CSMD2: variants seen among roughly 807,000 people sequenced by gnomAD.
The protein encoded by CSMD2 is CUB and Sushi multiple domains 2, also known as CUB and sushi domain-containing protein 2.
In CSMD2, 130 loss-of-function variants were observed where a neutral mutation model predicts 398.5. That is an observed-to-expected ratio of 0.33 (90% CI 0.28 to 0.38). CSMD2 has a LOEUF of 0.38. Among genes scored for constraint, CSMD2 ranks in the 10% least tolerant of loss-of-function variants. The pLI, the probability that CSMD2 is intolerant of heterozygous loss-of-function variation, is 1.00. For synonymous variants in CSMD2, 1,828 were observed against 1,908.5 expected (o/e 0.96, Z 1.10); for missense variants, 3,829 against 4,764.9 (o/e 0.80, Z 5.78).
intron 25 of CSMD2, among the ~76,000 whole-genome samples, 176 bp downstream of exon 25, chr1:33,692,754 G>T (rs769509951): frequency 4.6e-5 from 7 of 152,188 alleles, no homozygotes; most frequent in Non-Finnish European, 1.0e-4. Flanking sequence ...GCCCTGAGAG[G>T]CTGAGACTGA....
chr1:33,969,434 G>A (rs1645674124), intron 3 of CSMD2, among the ~76,000 whole-genome samples: 1 of 152,196 alleles, frequency 6.6e-6, no homozygotes, highest in Non-Finnish European at 1.5e-5. Flanking sequence ...ACTAGACAGT[G>A]CGATGGATGG....
intron 9 of CSMD2, among the ~76,000 whole-genome samples, chr1:33,819,447 G>C (rs1657846166): frequency 6.6e-6 from 1 of 152,218 alleles, no homozygotes; most frequent in South Asian, 2.1e-4. Flanking sequence ...TTTCTTACGT[G>C]CCTCACCCAT....
At chr1:34,079,130 C>A (rs1260700510) in intron 2 of CSMD2, among the ~76,000 whole-genome samples, 3 of 152,114 alleles carry the variant, frequency 2.0e-5, no homozygotes, top group African/African-American at 7.2e-5. Context: ...AGAAGGGTAT[C>A]CACAAAAAAC....
chr1:34,096,980 C>G (rs1659387765), intron 1 of CSMD2, among the ~76,000 whole-genome samples: 1 of 149,996 alleles, frequency 6.7e-6, no homozygotes, highest in Admixed American at 6.7e-5. Context: ...AAGAACAAAG[C>G]TGGAGGCATC....
intron 13 of CSMD2, among the ~76,000 whole-genome samples, chr1:33,757,348 A>G (rs1267260442): frequency 6.6e-6 from 1 of 152,314 alleles, no homozygotes; most frequent in Admixed American, 6.5e-5. Flanking sequence ...ATTTTGTCAC[A>G]GCAACTTAAA....
chr1:34,006,253 C>T (rs1030442470), intron 3 of CSMD2, among the ~76,000 whole-genome samples: 11 of 152,142 alleles, frequency 7.2e-5, no homozygotes, highest in African/African-American at 2.7e-4. Context: ...GTCCCTTAGT[C>T]CTTAACTCAG....
chr1:33,571,523 TG>T lies in CSMD2; in HGVS notation c.7957+8del. ...GCTAAACTTGCCCACCCTCCCTTCC[TG>T]GGCTTACTTCGGCAGGTGGGCGTAG... is the stretch of plus-strand genomic sequence containing the variant. On this transcript the variant is annotated splice_region_variant and intron_variant, in intron 51 of 70. Transcript: ENST00000373381. The T allele has an allele frequency of 6.9e-7, 1 of 1,439,988 alleles. No individual in the cohort carries two copies. The highest frequency in any genetic ancestry group is 9.3e-7 in the Non-Finnish European group (1 of 1,077,466). The allele number at this position is 1,439,988 out of a possible 1,614,324, so 89.2% of individuals were successfully genotyped here.
intron 41 of CSMD2, among the ~76,000 whole-genome samples, chr1:33,607,652 G>A (rs1415419420): frequency 2.0e-5 from 3 of 152,248 alleles, no homozygotes; most frequent in East Asian, 1.9e-4. Context: ...CGCCCCAAAC[G>A]AGAAGCCTTA....
intron 1 of CSMD2, among the ~76,000 whole-genome samples, chr1:34,120,851 C>G (rs1032892033): frequency 6.6e-6 from 1 of 152,086 alleles, no homozygotes; most frequent in Non-Finnish European, 1.5e-5. Context: ...GGCCTGGTAA[C>G]TTTAGTTTCA....
chr1:33,605,049 C>A (rs754605197), intron 42 of CSMD2, among the ~76,000 whole-genome samples: 3 of 152,194 alleles, frequency 2.0e-5, no homozygotes, highest in Non-Finnish European at 4.4e-5. Context: ...TTCCTCTTGG[C>A]TGTGGCCCAC....
intron 3 of CSMD2, 27 bp from the exon 4 acceptor site, chr1:33,935,981 G>A (rs371272944): frequency 2.5e-5 from 39 of 1,583,068 alleles, no homozygotes; most frequent in African/African-American, 1.8e-4. Flanking sequence ...AGAAAGAGAC[G>A]GGTACCCCGT....
chr1:33,918,263 C>T lies in CSMD2; in HGVS notation c.751G>A (p.Gly251Ser). Residue 251 changes from glycine (G) to serine (S), a missense_variant, in exon 5 of 71, where the codon GGC (glycine) becomes AGC (serine). Gly to Ser is a moderately conservative substitution (Grantham distance 56, BLOSUM62 0). This residue lies in a region of CSMD2 where 2,001 missense variants were observed against 2,567.1 expected (regional missense o/e 0.78). Coordinates refer to ENST00000373381, the MANE Select transcript of CSMD2 (RefSeq NM_001281956.2). ...ACGGTLRGQS[G>S]IISSPHFPSE... is the part of the protein sequence containing the mutation. ...GGGAAGTGGGGGCTGGAGATGATGC[C>T]ACTCTGGCCCCGCAGGGTCCCACCA... 1 of 1,614,050 alleles carries T rather than the reference C, an allele frequency of 6.2e-7. No individual in the cohort carries two copies. The highest frequency in any genetic ancestry group is 8.5e-7 in the Non-Finnish European group (1 of 1,180,014).
intron 13 of CSMD2, among the ~76,000 whole-genome samples, chr1:33,766,978 T>C (rs1037040803): frequency 1.3e-5 from 2 of 152,242 alleles, no homozygotes; most frequent in African/African-American, 2.4e-5. Flanking sequence ...AATACTCATG[T>C]CCTGATCGGA....
In CSMD2 at chr1:33,572,783, T is replaced by A. The variant is rs879052222; in HGVS notation, c.7577-92A>T. The A allele has an allele frequency of 2.0e-5, 21 of 1,032,652 alleles. No homozygotes were observed. In the South Asian group the frequency reaches 4.1e-4, roughly 20 times the overall value. 64.0% of individuals were successfully genotyped at this position (1,032,652 alleles called of 1,614,324 possible). ...CCTTCCTCCCCTCCCAAGGTCCTTTTATTAGTAAAAACTAATTAAAGGGTA... is the reference window on the plus strand; with the variant it reads ...CCTTCCTCCCCTCCCAAGGTCCTTTAATTAGTAAAAACTAATTAAAGGGTA... On this transcript the variant is annotated intron_variant, in intron 49 of 70. Coordinates refer to ENST00000373381, the MANE Select transcript of CSMD2 (RefSeq NM_001281956.2).
At chr1:33,687,009 A>T (rs916291561) in intron 25 of CSMD2, among the ~76,000 whole-genome samples, 2 of 152,230 alleles carry the variant, frequency 1.3e-5, no homozygotes, top group African/African-American at 2.4e-5. Context: ...CTCAATCTTC[A>T]TAGCAACCTT....
Position 33,537,430 on chromosome 1 carries a change from T to A in CSMD2, c.9805+6A>T, listed in dbSNP as rs765303267. The A allele has an allele frequency of 6.2e-7, 1 of 1,608,914 alleles. No homozygotes were observed. The highest frequency in any genetic ancestry group is 8.5e-7 in the Non-Finnish European group (1 of 1,177,062). ...AAGACGCTCCCTGCTCCAGATGACC[T>A]CTCACCTATGCAGCTGGGCTGGGTG... On this transcript the variant is annotated splice_donor_region_variant and intron_variant, in intron 61 of 70. Transcript: ENST00000373381. The surrounding 1 kb of genome is among the most constrained non-coding windows in gnomAD (Gnocchi z 4.6).
At chr1:34,076,372 G>A (rs970464428) in intron 2 of CSMD2, among the ~76,000 whole-genome samples, 9 of 152,152 alleles carry the variant, frequency 5.9e-5, no homozygotes, top group South Asian at 2.1e-4. Context: ...TCCACCTCAC[G>A]GTTTTTCAAC....
chr1:33,541,153 T>C lies in CSMD2; in HGVS notation c.9434A>G (p.Asn3145Ser). The C allele has an allele frequency of 3.7e-6, 6 of 1,614,146 alleles. No homozygotes were observed. The highest frequency in any genetic ancestry group is 5.1e-6 in the Non-Finnish European group (6 of 1,180,016). ...ACCTTTGCAGACGGGCTTGGTTCCA[T>C]TCCATGTCCGGTCCTTGGTGCAGCT... Reference protein sequence around the residue: ...VLSCTKDRTWNGTKPVCKALM... With the variant: ...VLSCTKDRTWSGTKPVCKALM... The change falls in exon 59 of 71, where the codon AAT (asparagine) becomes AGT (serine). Residue 3145 changes from asparagine to serine, a missense_variant. Around this residue, in one of 5 missense-constraint regions of CSMD2, gnomAD observed 917 missense variants for 1,199.5 expected, o/e 0.76. Coordinates refer to ENST00000373381, the MANE Select transcript of CSMD2 (RefSeq NM_001281956.2).
rs750841259 is a variant in CSMD2 at position 33,602,478 on chromosome 1, A to G, written c.6601T>C (p.Ser2201Pro). 4 of 1,613,750 alleles carry G rather than the reference A, an allele frequency of 2.5e-6. No homozygotes were observed. The South Asian group carries it at 4.4e-5, about 18-fold the overall frequency. Residue 2201 changes from serine (S) to proline (P), a missense_variant, in exon 43 of 71, where the codon TCC becomes CCC. Physicochemically the swap from Ser to Pro is moderately conservative, Grantham distance 74. This residue lies in a region of CSMD2 where 723 missense variants were observed against 758.6 expected (regional missense o/e 0.95). Transcript: ENST00000373381. ...AGCCAGACACAGTCCTGGGAGCTGG[A>G]GTACGGGCTAGGGAACCCCGGGGAG... is the stretch of plus-strand genomic sequence containing the variant. Reference protein sequence around the residue: ...VYSPGFPSPYSSSQDCVWLIT... With the variant: ...VYSPGFPSPYPSSQDCVWLIT...
Sources: gnomAD v4.1 joint callset for allele counts (sites outside exome capture counted in the v4.1 genomes callset) on GRCh38, gnomAD v4.1.1 for gene constraint, gnomAD v4.1.1 regional missense constraint, Gnocchi (gnomAD v3.1) non-coding constraint, MANE v1.5 for transcripts, NCBI Gene and HGNC (gene_info 2026-07-23, HGNC 2026-07-21) for gene names.